The following MTREX variants were observed in gnomAD, a reference collection of about 807,000 sequenced individuals.
The protein encoded by MTREX is exosome RNA helicase MTR4.
In MTREX, 76 loss-of-function variants were observed where a neutral mutation model predicts 135.4. That is an observed-to-expected ratio of 0.56 (90% CI 0.47 to 0.68). The LOEUF (loss-of-function observed/expected upper bound fraction) is 0.68, where lower values mean the gene tolerates loss of function less well. MTREX is among the 30% of genes least tolerant of loss of function. The probability of loss-of-function intolerance (pLI) is 0.00; values close to 1 mark genes in which losing one functional copy is unlikely to be tolerated. For missense variants in MTREX, 920 were observed against 1,262.1 expected, an observed-to-expected ratio of 0.73 and a Z score of 4.11; for synonymous variants, 404 against 401.6, an observed-to-expected ratio of 1.01 and a Z score of -0.07.
chr5:55,376,346 G>C (rs754815808), intron 16 of MTREX, among the ~76,000 whole-genome samples: 1 of 152,170 alleles, frequency 6.6e-6, no homozygotes, highest in African/African-American at 2.4e-5. Flanking sequence ...CTCATTACCC[G>C]ATCTCCAAGC....
At chr5:55,338,990 C>A (rs963114802) in intron 5 of MTREX, among the ~76,000 whole-genome samples, 1 of 151,840 alleles carries the variant, frequency 6.6e-6, no homozygotes, top group Non-Finnish European at 1.5e-5. Context: ...AGGGTTTCCC[C>A]ATTTTGGCCA....
chr5:55,421,163 TAGTC>T (rs778082081), intron 25 of MTREX, among the ~76,000 whole-genome samples: 13 of 152,338 alleles, frequency 8.5e-5, no homozygotes, highest in South Asian at 6.2e-4. Context: ...GTCTAGCACT[TAGTC>T]AGGCTGATGA....
intron 16 of MTREX, 91 bp downstream of exon 16, chr5:55,366,966 TG>T: frequency 9.0e-7 from 1 of 1,115,638 alleles, no homozygotes; most frequent in Non-Finnish European, 1.3e-6. Flanking sequence ...CTTTTGTTTT[TG>T]TAAGGTAAAT....
At chr5:55,323,695 C>G (rs545744700) in intron 2 of MTREX, among the ~76,000 whole-genome samples, 1 of 152,292 alleles carries the variant, frequency 6.6e-6, no homozygotes, top group South Asian at 2.1e-4. Context: ...GTTGGGATTA[C>G]AGGTGTGAGC....
At chr5:55,360,202 G>A (rs1749984690) in intron 15 of MTREX, among the ~76,000 whole-genome samples, 1 of 152,072 alleles carries the variant, frequency 6.6e-6, no homozygotes, top group Non-Finnish European at 1.5e-5. Context: ...CGTATAATGT[G>A]TACCCTTTTG....
intron 11 of MTREX, 149 bp from the exon 12 acceptor site, chr5:55,349,424 A>C (rs1749789264): frequency 1.7e-6 from 1 of 572,922 alleles, no homozygotes; most frequent in Admixed American, 3.3e-5. Context: ...TCTGGCCTCA[A>C]GCCAGCCACC....
chr5:55,425,268 G>A lies in MTREX; in HGVS notation c.*496G>A. The stretch of plus-strand genomic sequence containing the variant: ...GTTGGTGTTTCATGCAGAGTTGTAT[G>A]AGAGTCCTCCTCTTTTCTTTCTTTA... On this transcript the variant is annotated 3_prime_UTR_variant, in exon 27 of 27. Transcript: ENST00000230640. 6.2e-7 allele frequency: 1 copy of A among 1,613,040 alleles called. No homozygotes were observed.
At position 55,322,899 on chromosome 5, in the gene MTREX, T is replaced by C. The variant is rs117442271; in HGVS notation, c.272+435T>C. ...GCTGTGCATCTCAAGACTCCTGCTA[T>C]GGGTATCTGTGGCTGGAATCGCTGG... On this transcript the variant is annotated intron_variant, in intron 2 of 26. Transcript: ENST00000230640. 1.3e-3 allele frequency among the ~76,000 whole-genome samples: 196 copies of C among 152,290 alleles called. 2 individuals carry two copies. In the East Asian group the frequency reaches 0.034, roughly 26 times the overall value.
chr5:55,420,111 G>A (rs1294958668), intron 25 of MTREX, among the ~76,000 whole-genome samples: 4 of 151,806 alleles, frequency 2.6e-5, no homozygotes, highest in Middle Eastern at 3.2e-3. Context: ...GCTAGTTACA[G>A]TGTGAGCAAT....
At chr5:55,343,557 TA>T (rs138200811) in intron 8 of MTREX, 102 bp downstream of exon 8, 52 of 975,400 alleles carry the variant, frequency 5.3e-5, no homozygotes, top group Non-Finnish European at 6.8e-5. Flanking sequence ...TCCAGAATAA[TA>T]AAAAAAACAT....
chr5:55,319,974 G>C (rs961305129), intron 1 of MTREX, among the ~76,000 whole-genome samples: 1 of 152,120 alleles, frequency 6.6e-6, no homozygotes, highest in African/African-American at 2.4e-5. Flanking sequence ...CACCTAGAAA[G>C]GATCTCAGTT....
At chr5:55,330,502 A>G (rs949786942) in intron 5 of MTREX, among the ~76,000 whole-genome samples, 3 of 151,842 alleles carry the variant, frequency 2.0e-5, no homozygotes, top group African/African-American at 7.3e-5. Flanking sequence ...TAGAAATCCT[A>G]ACTGCTTGAA....
intron 2 of MTREX, among the ~76,000 whole-genome samples, chr5:55,323,617 G>C (rs1749324380): frequency 6.6e-6 from 1 of 152,010 alleles, no homozygotes; most frequent in African/African-American, 2.4e-5. Flanking sequence ...GTGAGTTTCT[G>C]CCGTATTGCC....
At chr5:55,414,278 TGAATAG>T in intron 24 of MTREX, 40 bp downstream of exon 24, 1 of 1,410,398 alleles carries the variant, frequency 7.1e-7, no homozygotes, top group Non-Finnish European at 9.6e-7. Flanking sequence ...ACATATTTTA[TGAATAG>T]TAGATTGTAA....
intron 24 of MTREX, among the ~76,000 whole-genome samples, chr5:55,414,521 A>G (rs1750935828): frequency 6.6e-6 from 1 of 152,224 alleles, no homozygotes; most frequent in Non-Finnish European, 1.5e-5. Context: ...AATAGGCTGT[A>G]TTGACAGCTC....
At chr5:55,409,552 T>C (rs964313271) in intron 22 of MTREX, among the ~76,000 whole-genome samples, 3 of 152,216 alleles carry the variant, frequency 2.0e-5, no homozygotes, top group African/African-American at 7.2e-5. Context: ...CTTATAAGTC[T>C]GTATATGAAA....
intron 19 of MTREX, among the ~76,000 whole-genome samples, chr5:55,394,984 G>A (rs1267318098): frequency 6.6e-6 from 1 of 151,162 alleles, no homozygotes; most frequent in Non-Finnish European, 1.5e-5. Context: ...AGTGAACCGA[G>A]ATCGCACCGC....
At chr5:55,369,833 A>G (rs948172749) in intron 16 of MTREX, among the ~76,000 whole-genome samples, 3 of 151,888 alleles carry the variant, frequency 2.0e-5, no homozygotes, top group Non-Finnish European at 4.4e-5. Flanking sequence ...AACCCGTGTT[A>G]TTTCTTTTTA....
In MTREX at chr5:55,424,972, G is replaced by A; in HGVS notation, c.*200G>A. ...CATTTTTTTAATAAAAATGTATACA[G>A]GTGGGGCACTGTTTTGGTGGAAGGC... On this transcript the variant is annotated 3_prime_UTR_variant, in exon 27 of 27. Transcript: ENST00000230640. 1 of 644,288 alleles carries A rather than the reference G, an allele frequency of 1.6e-6. No individual in the cohort carries two copies. The highest frequency in any genetic ancestry group is 2.6e-6 in the Non-Finnish European group (1 of 383,760). The allele number at this position is 644,288 out of a possible 1,614,324, so 39.9% of individuals were successfully genotyped here. A position where few individuals can be genotyped will look rare whatever the true frequency, so the allele number is the denominator to read the frequency against.
Sources: gnomAD v4.1 joint callset for allele counts (sites outside exome capture counted in the v4.1 genomes callset) on GRCh38, gnomAD v4.1.1 for gene constraint, MANE v1.5 for transcripts, NCBI Gene and HGNC (gene_info 2026-07-23, HGNC 2026-07-21) for gene names.